The following STIM2 variants were observed in gnomAD, a reference collection of about 807,000 sequenced individuals.
STIM2 encodes the protein stromal interaction molecule 2.
In STIM2, 31 loss-of-function variants were observed where a neutral mutation model predicts 85.8. The observed-to-expected ratio is 0.36, with a 90% CI of 0.27 to 0.49. The LOEUF is 0.49. Ranked by LOEUF, STIM2 falls within the 20% of genes least tolerant of loss-of-function variation. STIM2 has a pLI of 0.98. For synonymous variants in STIM2, 356 were observed against 331.1 expected (o/e 1.08, Z -0.82); for missense variants, 841 against 927.6 (o/e 0.91, Z 1.21).
At chr4:26,993,080 A>C (rs1195302995) in intron 3 of STIM2, among the ~76,000 whole-genome samples, 2 of 152,092 alleles carry the variant, frequency 1.3e-5, no homozygotes, top group Admixed American at 1.3e-4. Flanking sequence ...CATAGAGAGA[A>C]TCTTATCTTG....
intron 4 of STIM2, among the ~76,000 whole-genome samples, chr4:26,997,900 T>G (rs1427795813): frequency 6.6e-6 from 1 of 152,246 alleles, no homozygotes; most frequent in Non-Finnish European, 1.5e-5. Flanking sequence ...TAGGAGTTCC[T>G]GTAATTTTTC....
At chr4:26,863,717 C>T (rs1722301172) in intron 1 of STIM2, among the ~76,000 whole-genome samples, 1 of 152,012 alleles carries the variant, frequency 6.6e-6, no homozygotes, top group Admixed American at 6.5e-5. Context: ...AGTAGAGCAT[C>T]AGTAATAAGA....
intron 3 of STIM2, among the ~76,000 whole-genome samples, chr4:26,964,698 T>C (rs1726641469): frequency 6.6e-6 from 1 of 152,180 alleles, no homozygotes; most frequent in South Asian, 2.1e-4. Context: ...AGAAAGCCCT[T>C]GTCCTAGGTA....
At chr4:26,970,416 C>A (rs1726903910) in intron 3 of STIM2, among the ~76,000 whole-genome samples, 1 of 151,704 alleles carries the variant, frequency 6.6e-6, no homozygotes, top group Admixed American at 6.6e-5. Flanking sequence ...CCTCACAGGC[C>A]CCTGTGTGTG....
chr4:26,978,706 T>C (rs185642529), intron 3 of STIM2, among the ~76,000 whole-genome samples: 1 of 152,268 alleles, frequency 6.6e-6, no homozygotes, highest in African/African-American at 2.4e-5. Flanking sequence ...GATTACTTCT[T>C]TCCCCATCTG....
Position 26,960,318 on chromosome 4 carries a change from G to A in STIM2, c.397+2592G>A, listed in dbSNP as rs144509596. Among the ~76,000 whole-genome samples, 39 of 152,292 alleles carry A rather than the reference G, an allele frequency of 2.6e-4. No homozygotes were observed. In the East Asian group the frequency reaches 6.7e-3, roughly 26 times the overall value. On this transcript the variant is annotated intron_variant, in intron 3 of 11. Transcript: ENST00000467087. ...TTTACTTGAATATATACAAAAGTGT[G>A]TGTATGTGTGTATATATGTATTTAT... is the stretch of plus-strand genomic sequence containing the variant.
intron 1 of STIM2, among the ~76,000 whole-genome samples, chr4:26,883,556 A>T (rs965523558): frequency 6.6e-6 from 1 of 152,156 alleles, no homozygotes; most frequent in Non-Finnish European, 1.5e-5. Flanking sequence ...ATGCTGGGAC[A>T]TTGCCTGAGG....
At chr4:26,888,263 A>G (rs778493824) in intron 1 of STIM2, among the ~76,000 whole-genome samples, 1 of 152,220 alleles carries the variant, frequency 6.6e-6, no homozygotes, top group Non-Finnish European at 1.5e-5. Flanking sequence ...GAACGCAATA[A>G]CAAAGTCATA....
intron 1 of STIM2, among the ~76,000 whole-genome samples, chr4:26,896,988 A>C (rs1334125792): frequency 1.3e-5 from 2 of 152,222 alleles, no homozygotes; most frequent in African/African-American, 4.8e-5. Flanking sequence ...ATTCAGCATA[A>C]TACTCTTAAG....
rs1452105672 is a variant in STIM2 at position 27,024,061 on chromosome 4, A to G, written c.*1065A>G. The G allele has an allele frequency of 6.6e-6, 1 of 152,644 alleles. No homozygotes were observed. The highest frequency in any genetic ancestry group is 2.4e-5 in the African/African-American group (1 of 41,464). 9.5% of individuals were successfully genotyped at this position (152,644 alleles called of 1,614,324 possible). A position where few individuals can be genotyped will look rare whatever the true frequency, so the allele number is the denominator to read the frequency against. On this transcript the variant is annotated 3_prime_UTR_variant, in exon 12 of 12. Coordinates refer to ENST00000467087, the MANE Select transcript of STIM2 (RefSeq NM_020860.4). The stretch of plus-strand genomic sequence containing the variant: ...TTGTTGCTTAGTTGCAATATAAGAA[A>G]TAGTGATGTTTTGGACGTAAGTTGT...
chr4:27,017,559 A>T, intron 10 of STIM2, 152 bp from the exon 11 acceptor site: 1 of 973,408 alleles, frequency 1.0e-6, no homozygotes, highest in Non-Finnish European at 1.5e-6. Flanking sequence ...TGTAGGTAGT[A>T]GAGAATGGTA....
chr4:26,946,986 C>T (rs1481843564), intron 2 of STIM2, among the ~76,000 whole-genome samples: 2 of 152,166 alleles, frequency 1.3e-5, no homozygotes, highest in African/African-American at 2.4e-5. Context: ...TACCTGAATT[C>T]AAGTGGCTTG....
At chr4:26,962,562 G>A (rs1053367143) in intron 3 of STIM2, among the ~76,000 whole-genome samples, 1 of 4,406 alleles carries the variant, frequency 2.3e-4, no homozygotes, top group African/African-American at 3.0e-4. Flanking sequence ...TTAATGCAGT[G>A]TGTGTGTGTG....
chr4:26,865,079 T>TA (rs1722351274), intron 1 of STIM2, among the ~76,000 whole-genome samples: 2 of 152,302 alleles, frequency 1.3e-5, no homozygotes, highest in African/African-American at 4.8e-5. Flanking sequence ...TTGTTCCTCT[T>TA]ATGACGTTGT....
At chr4:26,893,758 G>A (rs920543309) in intron 1 of STIM2, among the ~76,000 whole-genome samples, 1 of 116,992 alleles carries the variant, frequency 8.5e-6, no homozygotes, top group Non-Finnish European at 1.7e-5. Flanking sequence ...ACGAACATTG[G>A]TATTAAACAT....
chr4:26,919,697 G>C (rs921541585), intron 2 of STIM2, 63 bp downstream of exon 2: 4 of 1,556,328 alleles, frequency 2.6e-6, no homozygotes, highest in Non-Finnish European at 3.5e-6. Flanking sequence ...TTCTGTTTCT[G>C]GTCTTCAATT....
At chr4:26,957,188 T>G (rs1726277131) in intron 2 of STIM2, among the ~76,000 whole-genome samples, 1 of 152,148 alleles carries the variant, frequency 6.6e-6, no homozygotes, top group African/African-American at 2.4e-5. Flanking sequence ...ATGTAAATAG[T>G]TGTTGTAATA....
intron 4 of STIM2, among the ~76,000 whole-genome samples, chr4:26,998,552 A>G (rs1728039477): frequency 6.6e-6 from 1 of 152,210 alleles, no homozygotes; most frequent in Non-Finnish European, 1.5e-5. Context: ...AAATTAAGTT[A>G]CTTATGGTTT....
chr4:26,879,867 G>A (rs984187527), intron 1 of STIM2, among the ~76,000 whole-genome samples: 7 of 152,038 alleles, frequency 4.6e-5, no homozygotes, highest in African/African-American at 1.4e-4. Context: ...AAATACTATG[G>A]GTTCTAGCCA....
Sources: allele counts gnomAD v4.1 joint callset (sites outside exome capture counted in the v4.1 genomes callset), GRCh38; gene constraint gnomAD v4.1.1; transcripts MANE v1.5; gene names NCBI Gene and HGNC (gene_info 2026-07-23, HGNC 2026-07-21).